ADAMTS6: variants seen among roughly 807,000 people sequenced by gnomAD.
ADAMTS6 encodes A disintegrin and metalloproteinase with thrombospondin motifs 6.
ADAMTS6 carries 23 observed loss-of-function variants against 144.3 expected under a neutral mutation model. That is an observed-to-expected ratio of 0.16 (90% CI 0.11 to 0.23). The LOEUF is 0.23. ADAMTS6 is among the 10% of genes least tolerant of loss of function. The pLI, the probability that ADAMTS6 is intolerant of heterozygous loss-of-function variation, is 1.00. For synonymous variants in ADAMTS6, 444 were observed against 457.5 expected, an observed-to-expected ratio of 0.97 and a Z score of 0.38; for missense variants, 999 against 1,379.6, an observed-to-expected ratio of 0.72 and a Z score of 4.37.
intron 11 of ADAMTS6, among the ~76,000 whole-genome samples, chr5:65,280,875 C>T (rs1047726438): frequency 2.0e-5 from 3 of 152,008 alleles, no homozygotes; most frequent in South Asian, 2.1e-4. Context: ...TCAATCAATG[C>T]GTAAAAGCAG....
chr5:65,196,915 TCAGCCTAA>T, intron 21 of ADAMTS6, 99 bp downstream of exon 21: 4 of 1,350,722 alleles, frequency 3.0e-6, no homozygotes, highest in Admixed American at 2.5e-5. Context: ...CTACCTTTTT[TCAGCCTAA>T]TTTATTCTCA....
chr5:65,393,245 AAAGT>A (rs1371045735), intron 7 of ADAMTS6, among the ~76,000 whole-genome samples: 2 of 152,196 alleles, frequency 1.3e-5, no homozygotes, highest in African/African-American at 4.8e-5. Flanking sequence ...ATTGCTTAAA[AAAGT>A]GTGTAGGAAA....
chr5:65,275,122 A>G (rs1762356057), intron 11 of ADAMTS6, among the ~76,000 whole-genome samples: 1 of 145,086 alleles, frequency 6.9e-6, no homozygotes. Flanking sequence ...TAGGAGGTCG[A>G]GGTGGGAAGA....
intron 14 of ADAMTS6, among the ~76,000 whole-genome samples, chr5:65,246,659 A>G (rs1219179593): frequency 6.6e-6 from 1 of 152,194 alleles, no homozygotes; most frequent in Non-Finnish European, 1.5e-5. Flanking sequence ...AGAACACAGT[A>G]AATCCAAAGG....
chr5:65,398,794 AAGAAAG>A (rs1447775449), intron 7 of ADAMTS6, among the ~76,000 whole-genome samples: 1 of 54,650 alleles, frequency 1.8e-5, no homozygotes, highest in Non-Finnish European at 3.6e-5. Flanking sequence ...GAAAGAAAGA[AAGAAAG>A]AAAGAAAGAA....
chr5:65,395,885 C>T (rs756005738), intron 7 of ADAMTS6, among the ~76,000 whole-genome samples: 6 of 152,154 alleles, frequency 3.9e-5, no homozygotes, highest in South Asian at 2.1e-4. Flanking sequence ...TCAATCATAA[C>T]GGTGTAACAG....
intron 7 of ADAMTS6, among the ~76,000 whole-genome samples, chr5:65,404,315 GC>G (rs2150169934): frequency 6.6e-6 from 1 of 152,042 alleles, no homozygotes; most frequent in Non-Finnish European, 1.5e-5. Flanking sequence ...CCCATGACAG[GC>G]CCTGGTGTGT....
chr5:65,164,743 A>C (rs1753045836), intron 24 of ADAMTS6, among the ~76,000 whole-genome samples: 1 of 142,998 alleles, frequency 7.0e-6, no homozygotes. Context: ...GAGCAGCCTA[A>C]CTGGGAGGCA....
At chr5:65,322,863 C>A (rs532898442) in intron 9 of ADAMTS6, among the ~76,000 whole-genome samples, 1 of 152,062 alleles carries the variant, frequency 6.6e-6, no homozygotes, top group Non-Finnish European at 1.5e-5. Context: ...TATTCGAATG[C>A]CGTTTATTTC....
At chr5:65,218,777 C>T (rs373511555) in intron 18 of ADAMTS6, among the ~76,000 whole-genome samples, 1 of 151,220 alleles carries the variant, frequency 6.6e-6, no homozygotes, top group Admixed American at 6.6e-5. Context: ...AAAATAATAA[C>T]CATATATTGT....
At chr5:65,387,923 A>C (rs1249573241) in intron 7 of ADAMTS6, among the ~76,000 whole-genome samples, 1 of 152,240 alleles carries the variant, frequency 6.6e-6, no homozygotes, top group African/African-American at 2.4e-5. Flanking sequence ...TAGAATTTGT[A>C]CAATAGGCCG....
chr5:65,174,475 G>A (rs543826897), intron 22 of ADAMTS6, among the ~76,000 whole-genome samples: 7 of 152,174 alleles, frequency 4.6e-5, no homozygotes, highest in Non-Finnish European at 1.0e-4. Context: ...CTCGCCAGAG[G>A]AGCACGTGGC....
chr5:65,394,028 A>G (rs1753132830), intron 7 of ADAMTS6, among the ~76,000 whole-genome samples: 1 of 152,182 alleles, frequency 6.6e-6, no homozygotes, highest in South Asian at 2.1e-4. Context: ...TTCATGTGGC[A>G]AATTTTTTTT....
intron 7 of ADAMTS6, among the ~76,000 whole-genome samples, chr5:65,381,832 A>G (rs1007777903): frequency 6.6e-6 from 1 of 152,170 alleles, no homozygotes. Context: ...GTAACACATG[A>G]TATCTTTAAC....
chr5:65,160,763 C>T (rs928609865), intron 24 of ADAMTS6, among the ~76,000 whole-genome samples: 10 of 151,578 alleles, frequency 6.6e-5, no homozygotes, highest in African/African-American at 2.4e-4. Flanking sequence ...AGCAATTCTC[C>T]TGCCTCAGCC....
chr5:65,340,868 G>T (rs1360729896), intron 7 of ADAMTS6, among the ~76,000 whole-genome samples: 1 of 151,640 alleles, frequency 6.6e-6, no homozygotes, highest in African/African-American at 2.4e-5. Context: ...AATAATAAAG[G>T]GATCAATTCG....
chr5:65,293,523 T>C (rs929587209), intron 10 of ADAMTS6, among the ~76,000 whole-genome samples: 66 of 152,164 alleles, frequency 4.3e-4, no homozygotes, highest in African/African-American at 1.5e-3. Flanking sequence ...AAGAACTGTG[T>C]AGATCCCAAA....
In ADAMTS6 at chr5:65,173,017, A is replaced by G. The variant is rs779461384; in HGVS notation, c.2911-9T>C. 2.5e-6 allele frequency: 4 copies of G among 1,610,240 alleles called. No individual in the cohort carries two copies. The Middle Eastern group carries it at 5.0e-4, about 201-fold the overall frequency. On this transcript the variant is annotated splice_polypyrimidine_tract_variant and intron_variant, in intron 22 of 24. Transcript: ENST00000381055. Reference sequence around the variant, plus strand: ...CCACATTTTGGAGTACACTGGAAATAAAACAAATAGTAATGAATCACGACA... The same window carrying G: ...CCACATTTTGGAGTACACTGGAAATGAAACAAATAGTAATGAATCACGACA...
chr5:65,350,501 G>A (rs1197818181), intron 7 of ADAMTS6, among the ~76,000 whole-genome samples: 1 of 152,080 alleles, frequency 6.6e-6, no homozygotes, highest in African/African-American at 2.4e-5. Context: ...TCATGTAAGG[G>A]TCTGACCAAG....
Sources: allele counts gnomAD v4.1 joint callset (sites outside exome capture counted in the v4.1 genomes callset), GRCh38; gene constraint gnomAD v4.1.1; transcripts MANE v1.5; gene names NCBI Gene and HGNC (gene_info 2026-07-23, HGNC 2026-07-21).